Variants in IL15 observed in about 807,000 individuals in gnomAD.
IL15 encodes the protein interleukin-15.
Under a neutral mutation model 19.6 loss-of-function variants are expected in IL15, and 11 were observed. The observed-to-expected ratio is 0.56, with a 90% CI of 0.35 to 0.93. The LOEUF is 0.93. IL15 is among the 40% of genes least tolerant of loss of function. The probability of loss-of-function intolerance (pLI) is 0.01; values close to 1 mark genes in which losing one functional copy is unlikely to be tolerated. For missense variants in IL15, 197 were observed against 186.5 expected, an observed-to-expected ratio of 1.06 and a Z score of -0.33; for synonymous variants, 58 against 59.6, an observed-to-expected ratio of 0.97 and a Z score of 0.12.
At chr4:141,652,431 T>C (rs1434799665) in intron 1 of IL15, among the ~76,000 whole-genome samples, 1 of 152,122 alleles carries the variant, frequency 6.6e-6, no homozygotes, top group Non-Finnish European at 1.5e-5. Flanking sequence ...AGTTGCCAAA[T>C]AAACTTTATT....
At chr4:141,638,745 C>T (rs1726944872) in intron 1 of IL15, among the ~76,000 whole-genome samples, 2 of 152,204 alleles carry the variant, frequency 1.3e-5, no homozygotes, top group South Asian at 4.1e-4. Flanking sequence ...CTCAGATTTG[C>T]TGCCTCTGAT....
intron 2 of IL15, among the ~76,000 whole-genome samples, chr4:141,712,561 T>C (rs1729747098): frequency 6.6e-6 from 1 of 150,458 alleles, no homozygotes; most frequent in Admixed American, 6.6e-5. Context: ...AACAATAAGC[T>C]ACCTGAGGTG....
At chr4:141,711,953 G>A (rs929539898) in intron 2 of IL15, among the ~76,000 whole-genome samples, 1 of 151,950 alleles carries the variant, frequency 6.6e-6, no homozygotes, top group African/African-American at 2.4e-5. Flanking sequence ...TCCTTAAATA[G>A]CTTTCTATTA....
intron 2 of IL15, among the ~76,000 whole-genome samples, chr4:141,703,633 A>G (rs1258041273): frequency 6.7e-6 from 1 of 149,572 alleles, no homozygotes. Flanking sequence ...TTCCTATCTC[A>G]TGGAGTAGGC....
chr4:141,639,413 G>A (rs1445382997), intron 1 of IL15, among the ~76,000 whole-genome samples: 1 of 152,124 alleles, frequency 6.6e-6, no homozygotes, highest in Non-Finnish European at 1.5e-5. Flanking sequence ...ATTCATTTGA[G>A]TGTCAAATAT....
intron 2 of IL15, among the ~76,000 whole-genome samples, chr4:141,713,608 T>C (rs940783252): frequency 4.6e-5 from 7 of 152,200 alleles, no homozygotes; most frequent in Non-Finnish European, 1.0e-4. Flanking sequence ...TTTCATACTG[T>C]TAGGAAAATG....
intron 5 of IL15, among the ~76,000 whole-genome samples, chr4:141,727,176 G>A (rs1243954881): frequency 6.6e-6 from 1 of 152,030 alleles, no homozygotes; most frequent in African/African-American, 2.4e-5. Context: ...CACAAATAAT[G>A]AGCCCTAATA....
chr4:141,669,076 A>T (rs886175313), intron 2 of IL15, among the ~76,000 whole-genome samples: 1 of 152,232 alleles, frequency 6.6e-6, no homozygotes, highest in Admixed American at 6.5e-5. Flanking sequence ...TTATGATGAT[A>T]ATTTAAATGT....
At chr4:141,675,299 A>G (rs950792662) in intron 2 of IL15, among the ~76,000 whole-genome samples, 2 of 152,222 alleles carry the variant, frequency 1.3e-5, no homozygotes, top group African/African-American at 2.4e-5. Context: ...GTTAAAATGT[A>G]TCAGAATTTA....
intron 2 of IL15, chr4:141,714,612 C>T (rs953644657): frequency 6.6e-6 from 1 of 152,222 alleles, no homozygotes. Flanking sequence ...GGTTGCCAAG[C>T]CCACTGGTCA....
At chr4:141,702,379 T>C (rs1391813604) in intron 2 of IL15, among the ~76,000 whole-genome samples, 1 of 152,202 alleles carries the variant, frequency 6.6e-6, no homozygotes, top group African/African-American at 2.4e-5. Context: ...ATGGAGAATG[T>C]CTGCAAAGGA....
At chr4:141,658,760 A>T (rs1032044743) in intron 2 of IL15, among the ~76,000 whole-genome samples, 1 of 152,158 alleles carries the variant, frequency 6.6e-6, no homozygotes, top group Admixed American at 6.5e-5. Flanking sequence ...ATATAAATTC[A>T]AAGAAAAAAC....
rs181200268 is a variant in IL15, at chr4:141,707,697, C to T, written c.-99-11669C>T. Among the ~76,000 whole-genome samples the T allele has an allele frequency of 7.6e-4, 115 of 152,200 alleles. 1 individual carries two copies. Among genetic ancestry groups the T allele is most frequent in the African/African-American group, 2.3e-3 (94 of 41,516 alleles). On this transcript the variant is annotated intron_variant, in intron 2 of 7. Transcript: ENST00000320650. ...TGTCTGTGATTGACTCAGTGGTCTA[C>T]GCTGTGAGAGCTTTTGAGGTAGTGG...
At chr4:141,700,768 G>A (rs533972559) in intron 2 of IL15, among the ~76,000 whole-genome samples, 27 of 152,098 alleles carry the variant, frequency 1.8e-4, no homozygotes, top group Non-Finnish European at 3.4e-4. Flanking sequence ...TTTATTCTTA[G>A]GTTTGACCAT....
intron 2 of IL15, among the ~76,000 whole-genome samples, chr4:141,689,398 C>T (rs905338351): frequency 1.3e-5 from 2 of 152,102 alleles, no homozygotes; most frequent in African/African-American, 2.4e-5. Flanking sequence ...AGGTTCTCCA[C>T]GTCCCCACCA....
chr4:141,648,077 G>A (rs1321919938), intron 1 of IL15, among the ~76,000 whole-genome samples: 1 of 151,878 alleles, frequency 6.6e-6, no homozygotes, highest in African/African-American at 2.4e-5. Context: ...TATTCCTGAG[G>A]GGTCAAGTTA....
intron 2 of IL15, among the ~76,000 whole-genome samples, chr4:141,658,952 C>T (rs1307091708): frequency 4.6e-5 from 7 of 150,726 alleles, no homozygotes; most frequent in African/African-American, 1.5e-4. Context: ...CTCCGCCTCC[C>T]GGGTTCAAGC....
Position 141,659,062 on chromosome 4 carries a change from C to G in IL15, c.-100+2755C>G, listed in dbSNP as rs536299776. ...ATTTTTAGTAGAGACGGGGTTTCAC[C>G]ATGGTCTCGATCTCCTGACCTTGTG... On this transcript the variant is annotated intron_variant, in intron 2 of 7. Transcript: ENST00000320650. Among the ~76,000 whole-genome samples, 242 of 152,054 alleles carry G rather than the reference C, an allele frequency of 1.6e-3. 2 individuals are homozygous for G. Among genetic ancestry groups the G allele is most frequent in the African/African-American group, 5.6e-3 (234 of 41,476 alleles).
chr4:141,649,558 T>A (rs1727337728), intron 1 of IL15, among the ~76,000 whole-genome samples: 1 of 152,090 alleles, frequency 6.6e-6, no homozygotes. Flanking sequence ...GAAATTTTCA[T>A]TATTTATAGA....
Sources: gnomAD v4.1 joint callset for allele counts (sites outside exome capture counted in the v4.1 genomes callset) on GRCh38, gnomAD v4.1.1 for gene constraint, MANE v1.5 for transcripts, NCBI Gene and HGNC (gene_info 2026-07-23, HGNC 2026-07-21) for gene names.